The following PTPRM variants were observed in gnomAD, a reference collection of about 807,000 sequenced individuals.
PTPRM encodes protein tyrosine phosphatase receptor type M, also known as receptor-type tyrosine-protein phosphatase mu.
PTPRM carries 47 observed loss-of-function variants against 186.7 expected under a neutral mutation model. The ratio of observed to expected loss-of-function variants is 0.25; its 90% CI spans 0.20 to 0.32. The LOEUF (loss-of-function observed/expected upper bound fraction) is 0.32. Ranked by LOEUF, PTPRM falls within the 10% of genes least tolerant of loss-of-function variation. The pLI is 1.00. For synonymous variants in PTPRM, 668 were observed against 674.9 expected (o/e 0.99, Z 0.16); for missense variants, 1,494 against 1,865.0 (o/e 0.80, Z 3.66).
chr18:7,585,558 C>G (rs1049334186), intron 1 of PTPRM, among the ~76,000 whole-genome samples: 1 of 152,156 alleles, frequency 6.6e-6, no homozygotes, highest in Non-Finnish European at 1.5e-5. Flanking sequence ...ATTCATGACT[C>G]AAAATATTGG....
intron 1 of PTPRM, among the ~76,000 whole-genome samples, chr18:7,729,126 G>A (rs1281991979): frequency 6.6e-6 from 1 of 151,876 alleles, no homozygotes; most frequent in East Asian, 1.9e-4. Context: ...ACCCAGGCTG[G>A]TCTCAAACTC....
intron 2 of PTPRM, among the ~76,000 whole-genome samples, chr18:7,836,973 G>A (rs114843694): frequency 0.021 from 3,139 of 152,202 alleles, 104 homozygotes; most frequent in African/African-American, 0.071. Flanking sequence ...TAGTCTTTGG[G>A]TTAAATCTGC....
At position 7,856,466 on chromosome 18, in the gene PTPRM, G is replaced by T. The variant is rs530081070; in HGVS notation, c.197-31640G>T. ...CCAGTTGAAAAGGACAGCAGGCCGG[G>T]TGCCATGGCTCATGCCTATAATCCC... On this transcript the variant is annotated intron_variant, in intron 2 of 32. Coordinates refer to ENST00000580170, the MANE Select transcript of PTPRM (RefSeq NM_001105244.2). 1.8e-4 allele frequency among the ~76,000 whole-genome samples: 28 copies of T among 152,276 alleles called. No homozygotes were observed. In the South Asian group the frequency reaches 5.8e-3, roughly 32 times the overall value.
At chr18:8,057,280 C>G (rs1326004888) in intron 7 of PTPRM, among the ~76,000 whole-genome samples, 1 of 151,748 alleles carries the variant, frequency 6.6e-6, no homozygotes, top group Non-Finnish European at 1.5e-5. Flanking sequence ...TTAGTGGATA[C>G]ACAGAATATT....
chr18:8,240,643 GA>G (rs2094413520), intron 14 of PTPRM, among the ~76,000 whole-genome samples: 1 of 32,602 alleles, frequency 3.1e-5, no homozygotes, highest in African/African-American at 1.7e-4. Context: ...GAGAGAGAGA[GA>G]GAGAGAGAGA....
intron 21 of PTPRM, among the ~76,000 whole-genome samples, chr18:8,316,370 A>T (rs1014978686): frequency 6.6e-6 from 1 of 152,224 alleles, no homozygotes; most frequent in Non-Finnish European, 1.5e-5. Flanking sequence ...ATCATAGAGG[A>T]TGTAATTTGA....
intron 20 of PTPRM, among the ~76,000 whole-genome samples, chr18:8,313,572 CT>C (rs529856335): frequency 9.9e-4 from 142 of 143,224 alleles, no homozygotes; most frequent in Admixed American, 1.3e-3. Context: ...CACATCCTTT[CT>C]TTTTTTTTTT....
At chr18:7,660,885 C>G (rs1598321227) in intron 1 of PTPRM, among the ~76,000 whole-genome samples, 1 of 151,970 alleles carries the variant, frequency 6.6e-6, no homozygotes, top group South Asian at 2.1e-4. Flanking sequence ...GCAGGAGAAT[C>G]GCTTGAACCT....
At chr18:8,282,167 G>T (rs1568660322) in intron 19 of PTPRM, among the ~76,000 whole-genome samples, 1 of 152,136 alleles carries the variant, frequency 6.6e-6, no homozygotes, top group Non-Finnish European at 1.5e-5. Context: ...ATAAACACAT[G>T]AAAAGAAGTC....
chr18:7,597,436 A>G (rs1016136521), intron 1 of PTPRM, among the ~76,000 whole-genome samples: 15 of 152,174 alleles, frequency 9.9e-5, no homozygotes, highest in African/African-American at 3.6e-4. Flanking sequence ...CCAAGTGGAC[A>G]GATTCTTGAC....
intron 14 of PTPRM, among the ~76,000 whole-genome samples, chr18:8,184,132 C>A (rs2093613148): frequency 6.6e-6 from 1 of 152,140 alleles, no homozygotes. Flanking sequence ...ATCTTCTGTC[C>A]CACCTGCTCC....
At chr18:7,994,559 G>T (rs552496334) in intron 7 of PTPRM, among the ~76,000 whole-genome samples, 193 of 152,150 alleles carry the variant, frequency 1.3e-3, no homozygotes, top group African/African-American at 4.4e-3. Flanking sequence ...TTTTCTCCAG[G>T]TTACACTATA....
chr18:7,762,451 A>C (rs1489451994), intron 1 of PTPRM, among the ~76,000 whole-genome samples: 2 of 152,186 alleles, frequency 1.3e-5, no homozygotes, highest in African/African-American at 4.8e-5. Context: ...GTAAAACTAA[A>C]GGGAAGTGGT....
At chr18:7,694,734 T>C (rs1413191306) in intron 1 of PTPRM, among the ~76,000 whole-genome samples, 4 of 152,138 alleles carry the variant, frequency 2.6e-5, no homozygotes, top group Admixed American at 6.6e-5. Flanking sequence ...TGGAAACCCT[T>C]TTCCACAGCC....
At position 7,955,072 on chromosome 18, in the gene PTPRM, A is replaced by C. The variant is rs371477076; in HGVS notation, c.839-49A>C. 4.6e-6 allele frequency: 7 copies of C among 1,508,426 alleles called. No individual in the cohort carries two copies. In the African/African-American group the frequency reaches 9.7e-5, roughly 21 times the overall value. The allele number at this position is 1,508,426 out of a possible 1,614,324, so 93.4% of individuals were successfully genotyped here. A position where few individuals can be genotyped will look rare whatever the true frequency, so the allele number is the denominator to read the frequency against. ...AATTGATGCATGTTTAGCTCTTTTA[A>C]GACTGAAGACAAAGCATCTGAAAGA... On this transcript the variant is annotated intron_variant, in intron 6 of 32. Transcript: ENST00000580170.
At chr18:8,033,988 GTC>G (rs1352899136) in intron 7 of PTPRM, among the ~76,000 whole-genome samples, 1 of 152,074 alleles carries the variant, frequency 6.6e-6, no homozygotes, top group Non-Finnish European at 1.5e-5. Context: ...CATCACTCCA[GTC>G]TCTGCCTCCA....
intron 5 of PTPRM, among the ~76,000 whole-genome samples, chr18:7,935,633 G>A (rs2051758647): frequency 1.3e-5 from 2 of 152,106 alleles, no homozygotes; most frequent in Non-Finnish European, 1.5e-5. Context: ...TCCTGGCCTC[G>A]ACTTGAAATT....
intron 7 of PTPRM, among the ~76,000 whole-genome samples, chr18:8,036,685 T>A (rs1225516112): frequency 6.6e-6 from 1 of 152,196 alleles, no homozygotes; most frequent in African/African-American, 2.4e-5. Context: ...AAGACCAGTT[T>A]GCAGAACCAG....
chr18:8,200,081 A>G (rs867438633), intron 14 of PTPRM, among the ~76,000 whole-genome samples: 1 of 152,190 alleles, frequency 6.6e-6, no homozygotes, highest in South Asian at 2.1e-4. Flanking sequence ...GCTACAGACT[A>G]TTCACAGAGC....
Sources: gnomAD v4.1 joint callset for allele counts (sites outside exome capture counted in the v4.1 genomes callset) on GRCh38, gnomAD v4.1.1 for gene constraint, MANE v1.5 for transcripts, NCBI Gene and HGNC (gene_info 2026-07-23, HGNC 2026-07-21) for gene names.